The following ZHX2 variants were observed in gnomAD, a reference collection of about 807,000 sequenced individuals.
The protein encoded by ZHX2 is zinc fingers and homeoboxes protein 2.
Under a neutral mutation model 21.9 loss-of-function variants are expected in ZHX2, and 6 were observed. The ratio of observed to expected loss-of-function variants is 0.27; its 90% CI spans 0.15 to 0.54. ZHX2 has a LOEUF of 0.54. ZHX2 is among the 20% of genes least tolerant of loss of function. The pLI is 0.95. For synonymous variants in ZHX2, 434 were observed against 437.1 expected (o/e 0.99, Z 0.09); for missense variants, 908 against 1,090.7 (o/e 0.83, Z 2.36).
At position 122,974,242 on chromosome 8, in the gene ZHX2, T is replaced by TTG. The variant is rs1267884593; in HGVS notation, c.*1015_*1016dup. 2 of 152,490 alleles carry TTG rather than the reference T, an allele frequency of 1.3e-5. No individual in the cohort carries two copies. Among genetic ancestry groups the TTG allele is most frequent in the African/African-American group, 4.8e-5 (2 of 41,412 alleles). The allele number at this position is 152,490 out of a possible 1,614,324, so 9.4% of individuals were successfully genotyped here. A position where few individuals can be genotyped will look rare whatever the true frequency, so the allele number is the denominator to read the frequency against. On this transcript the variant is annotated 3_prime_UTR_variant, in exon 4 of 4. Coordinates refer to ENST00000314393, the MANE Select transcript of ZHX2 (RefSeq NM_014943.5). ...CTCACCATGAATTGATTTTTTTTGT[T>TTG]TGTGTGTGTGTTTGTTTTGGGACAA... is the stretch of plus-strand genomic sequence containing the variant.
chr8:122,874,628 C>T (rs770284922), intron 2 of ZHX2, among the ~76,000 whole-genome samples: 4 of 152,068 alleles, frequency 2.6e-5, no homozygotes, highest in East Asian at 1.9e-4. Context: ...CCACCATGCC[C>T]GGCCATTGAA....
intron 1 of ZHX2, among the ~76,000 whole-genome samples, chr8:122,807,383 T>C (rs941677904): frequency 6.6e-6 from 1 of 152,232 alleles, no homozygotes; most frequent in Non-Finnish European, 1.5e-5. Context: ...TTTTGACATT[T>C]ATTCAGGATT....
intron 1 of ZHX2, among the ~76,000 whole-genome samples, chr8:122,834,842 AC>A (rs1413480025): frequency 6.6e-6 from 1 of 152,120 alleles, no homozygotes; most frequent in Admixed American, 6.5e-5. Context: ...TTCATAGTTT[AC>A]CGCTTTATGG....
At chr8:122,971,700 C>T (rs1813729515) in intron 3 of ZHX2, among the ~76,000 whole-genome samples, 1 of 151,620 alleles carries the variant, frequency 6.6e-6, no homozygotes, top group Admixed American at 6.6e-5. Context: ...GCCAGTGGCT[C>T]CGAGAACCTA....
intron 2 of ZHX2, among the ~76,000 whole-genome samples, chr8:122,866,637 G>A (rs987992755): frequency 1.3e-5 from 2 of 152,136 alleles, no homozygotes; most frequent in Non-Finnish European, 2.9e-5. Context: ...TCCAATTTGG[G>A]TGGGAAGACA....
intron 2 of ZHX2, among the ~76,000 whole-genome samples, chr8:122,931,933 A>G (rs1821003869): frequency 6.6e-6 from 1 of 152,168 alleles, no homozygotes; most frequent in Admixed American, 6.5e-5. Flanking sequence ...AGAGCGCTAG[A>G]TGAACCGTAG....
chr8:122,954,435 G>A (rs560871853), intron 3 of ZHX2, among the ~76,000 whole-genome samples: 43 of 152,216 alleles, frequency 2.8e-4, no homozygotes, highest in African/African-American at 8.4e-4. Context: ...AGCTTATCAA[G>A]TAGCTGGGAC....
At chr8:122,795,472 C>T (rs1206855109) in intron 1 of ZHX2, among the ~76,000 whole-genome samples, 1 of 152,204 alleles carries the variant, frequency 6.6e-6, no homozygotes, top group Non-Finnish European at 1.5e-5. Flanking sequence ...GGAGCACCAT[C>T]TCCACCTTCC....
intron 2 of ZHX2, among the ~76,000 whole-genome samples, chr8:122,917,088 G>A (rs1042318086): frequency 4.6e-5 from 7 of 151,952 alleles, no homozygotes; most frequent in Non-Finnish European, 8.8e-5. Context: ...TTCATCCCAC[G>A]CAGTGTTATA....
At chr8:122,806,564 G>A (rs985338632) in intron 1 of ZHX2, among the ~76,000 whole-genome samples, 2 of 152,214 alleles carry the variant, frequency 1.3e-5, no homozygotes, top group African/African-American at 4.8e-5. Flanking sequence ...TGGAGGGCCT[G>A]ATTACAGAGA....
chr8:122,892,607 G>A (rs1234355025), intron 2 of ZHX2, among the ~76,000 whole-genome samples: 1 of 151,934 alleles, frequency 6.6e-6, no homozygotes, highest in Non-Finnish European at 1.5e-5. Flanking sequence ...TTACACTTTT[G>A]TGTGTTTTCA....
chr8:122,868,239 G>A (rs1294153278), intron 2 of ZHX2, among the ~76,000 whole-genome samples: 1 of 139,288 alleles, frequency 7.2e-6, no homozygotes, highest in African/African-American at 2.5e-5. Flanking sequence ...CCAACCATGT[G>A]TCAGAAGGAT....
chr8:122,825,589 C>T (rs1818245999), intron 1 of ZHX2, among the ~76,000 whole-genome samples: 2 of 152,176 alleles, frequency 1.3e-5, no homozygotes, highest in African/African-American at 4.8e-5. Flanking sequence ...TTTTTAGTCT[C>T]CTGACATATG....
At chr8:122,808,027 G>GT (rs1454337331) in intron 1 of ZHX2, among the ~76,000 whole-genome samples, 1 of 152,180 alleles carries the variant, frequency 6.6e-6, no homozygotes, top group Non-Finnish European at 1.5e-5. Flanking sequence ...AATGGCCTTA[G>GT]TGCCTGCTTC....
At position 122,931,643 on chromosome 8, in the gene ZHX2, A is replaced by C. The variant is rs1467737398; in HGVS notation, c.-219-19649A>C. Among the ~76,000 whole-genome samples, 2 of 152,068 alleles carry C rather than the reference A, an allele frequency of 1.3e-5. 1 individual carries two copies. Among genetic ancestry groups the C allele is most frequent in the Admixed American group, 1.3e-4 (2 of 15,264 alleles). On this transcript the variant is annotated intron_variant, in intron 2 of 3. Transcript: ENST00000314393. ...CAGTCATTACGCGCTGCAGCATCAG[A>C]GTCTTCAGGAGGTTCTCACCCCAGC...
At chr8:122,815,809 C>T (rs11782301) in intron 1 of ZHX2, 45,489 of 152,052 alleles carry the variant, frequency 0.3, 7,441 homozygotes, top group Middle Eastern at 0.5. Context: ...AATTGCCGGC[C>T]GGGCGTGGTG....
At chr8:122,830,632 G>A (rs1173302718) in intron 1 of ZHX2, among the ~76,000 whole-genome samples, 1 of 152,038 alleles carries the variant, frequency 6.6e-6, no homozygotes, top group African/African-American at 2.4e-5. Context: ...AAATATGTCT[G>A]TGCCTGCAAG....
At chr8:122,826,083 G>T (rs919549833) in intron 1 of ZHX2, among the ~76,000 whole-genome samples, 29 of 152,176 alleles carry the variant, frequency 1.9e-4, no homozygotes, top group African/African-American at 7.0e-4. Context: ...AAACACTTGA[G>T]CCTAGTGGCA....
intron 1 of ZHX2, among the ~76,000 whole-genome samples, chr8:122,792,786 C>G (rs950796108): frequency 6.6e-6 from 1 of 152,080 alleles, no homozygotes; most frequent in African/African-American, 2.4e-5. Flanking sequence ...AATGAGGTAC[C>G]CAGCGTGCAA....
Sources: allele counts gnomAD v4.1 joint callset (sites outside exome capture counted in the v4.1 genomes callset), GRCh38; gene constraint gnomAD v4.1.1; transcripts MANE v1.5; gene names NCBI Gene and HGNC (gene_info 2026-07-23, HGNC 2026-07-21).